The following ASAP1 variants were observed in gnomAD, a reference collection of about 807,000 sequenced individuals.
ASAP1 encodes arf-GAP with SH3 domain, ANK repeat and PH domain-containing protein 1.
In ASAP1, 43 loss-of-function variants were observed where a neutral mutation model predicts 145.2. The observed-to-expected ratio is 0.30, with a 90% CI of 0.23 to 0.38. ASAP1 has a LOEUF of 0.38. Ranked by LOEUF, ASAP1 falls within the 10% of genes least tolerant of loss-of-function variation. The pLI is 1.00. For missense variants in ASAP1, 1,018 were observed against 1,355.3 expected (o/e 0.75, Z 3.91); for synonymous variants, 546 against 515.5 (o/e 1.06, Z -0.80).
At chr8:130,389,609 C>T (rs761583350) in intron 2 of ASAP1, among the ~76,000 whole-genome samples, 2 of 152,192 alleles carry the variant, frequency 1.3e-5, no homozygotes, top group East Asian at 1.9e-4. Context: ...GATCCCCTAA[C>T]GTGTATAAAG....
chr8:130,070,455 T>C (rs1345327417), intron 27 of ASAP1, among the ~76,000 whole-genome samples: 1 of 152,108 alleles, frequency 6.6e-6, no homozygotes, highest in African/African-American at 2.4e-5. Context: ...CCAATATTAA[T>C]TGGACATGCC....
chr8:130,150,522 G>A (rs1424119577), intron 13 of ASAP1, among the ~76,000 whole-genome samples: 1 of 152,196 alleles, frequency 6.6e-6, no homozygotes, highest in Non-Finnish European at 1.5e-5. Flanking sequence ...AGTGAGGACT[G>A]TTACAGCCTC....
chr8:130,417,337 G>A (rs182386801), intron 1 of ASAP1, among the ~76,000 whole-genome samples: 5 of 152,352 alleles, frequency 3.3e-5, no homozygotes, highest in Admixed American at 2.6e-4. Context: ...TTCCCTGTGG[G>A]CCCATGGAAA....
chr8:130,216,768 A>G (rs770936684), intron 4 of ASAP1, among the ~76,000 whole-genome samples: 8 of 152,178 alleles, frequency 5.3e-5, no homozygotes, highest in African/African-American at 1.2e-4. Context: ...TCAACTACCT[A>G]TTCAGTATCT....
intron 5 of ASAP1, among the ~76,000 whole-genome samples, chr8:130,200,357 C>G (rs1185768019): frequency 6.6e-6 from 1 of 152,150 alleles, no homozygotes. Context: ...TCTTCGGAGA[C>G]TGCCAGGGGT....
At chr8:130,134,150 A>T (rs1202086087) in intron 15 of ASAP1, 146 bp downstream of exon 15, 2 of 551,326 alleles carry the variant, frequency 3.6e-6, no homozygotes, top group Middle Eastern at 2.7e-4. Flanking sequence ...AGAGAAGAGC[A>T]ACATGTGATG....
At chr8:130,078,893 A>T (rs558401038) in intron 26 of ASAP1, among the ~76,000 whole-genome samples, 1 of 152,158 alleles carries the variant, frequency 6.6e-6, no homozygotes, top group Non-Finnish European at 1.5e-5. Flanking sequence ...AGTACATAAG[A>T]TAGTGGTATT....
At chr8:130,186,954 T>A (rs1185134890) in intron 7 of ASAP1, among the ~76,000 whole-genome samples, 1 of 152,216 alleles carries the variant, frequency 6.6e-6, no homozygotes, top group African/African-American at 2.4e-5. Flanking sequence ...GTCATAGCCC[T>A]ATAACTTGAT....
At chr8:130,160,686 TG>T (rs1445001728) in intron 11 of ASAP1, 9 of 775,984 alleles carry the variant, frequency 1.2e-5, no homozygotes, top group Non-Finnish European at 1.6e-5. Flanking sequence ...ATTACGAAAA[TG>T]TAAGAAATAA....
chr8:130,354,993 C>T (rs1014909733), intron 3 of ASAP1, among the ~76,000 whole-genome samples: 9 of 152,216 alleles, frequency 5.9e-5, no homozygotes, highest in African/African-American at 9.6e-5. Flanking sequence ...TCATATGATT[C>T]TCCTGCCTCA....
At chr8:130,193,802 AC>A (rs1335940772) in intron 5 of ASAP1, among the ~76,000 whole-genome samples, 1 of 152,232 alleles carries the variant, frequency 6.6e-6, no homozygotes, top group African/African-American at 2.4e-5. Flanking sequence ...GTTGTTCCAA[AC>A]AAAAAGTGCC....
intron 2 of ASAP1, among the ~76,000 whole-genome samples, chr8:130,377,573 T>C (rs1270123630): frequency 1.3e-5 from 2 of 152,308 alleles, no homozygotes; most frequent in East Asian, 1.9e-4. Flanking sequence ...AAGGAGCCTA[T>C]GGTCAATCAG....
At chr8:130,095,493 G>GT (rs2097515628) in intron 24 of ASAP1, among the ~76,000 whole-genome samples, 1 of 151,776 alleles carries the variant, frequency 6.6e-6, no homozygotes, top group African/African-American at 2.4e-5. Flanking sequence ...TAGAGATGGG[G>GT]TTTTGCCATG....
chr8:130,071,010 G>GA (rs1212384862), intron 27 of ASAP1, among the ~76,000 whole-genome samples: 2,139 of 48,154 alleles, frequency 0.044, 471 homozygotes, highest in African/African-American at 0.062. Context: ...AGGGGAGGGG[G>GA]GGAGAGAGAG....
rs900515787 is a variant in ASAP1 at position 130,361,584 on chromosome 8, C to T, written c.60-3441G>A. 49 of 1,013,520 alleles carry T rather than the reference C, an allele frequency of 4.8e-5. 1 individual carries two copies. Among genetic ancestry groups the T allele is most frequent in the South Asian group, 1.1e-4 (8 of 73,580 alleles). The allele number at this position is 1,013,520 out of a possible 1,614,324, so 62.8% of individuals were successfully genotyped here. On this transcript the variant is annotated intron_variant, in intron 2 of 29. Transcript: ENST00000518721. Reference sequence around the variant, plus strand: ...CCTTTGGCCAAGAAAGGAATATGCTCACAATGAGATATTGTGCTTTGGTAA... The same window carrying T: ...CCTTTGGCCAAGAAAGGAATATGCTTACAATGAGATATTGTGCTTTGGTAA...
chr8:130,222,644 T>C (rs573424532), intron 4 of ASAP1, among the ~76,000 whole-genome samples: 1 of 152,166 alleles, frequency 6.6e-6, no homozygotes, highest in Non-Finnish European at 1.5e-5. Flanking sequence ...AAAAGGTGAA[T>C]AAGACAAGAC....
intron 3 of ASAP1, among the ~76,000 whole-genome samples, chr8:130,268,490 A>AACACACACACACACACAC (rs113714700): frequency 1.5e-5 from 2 of 133,124 alleles, no homozygotes; most frequent in African/African-American, 2.9e-5. Flanking sequence ...CCCGTCTTAA[A>AACACACACACACACACAC]ACACACACAC....
chr8:130,373,107 CAT>C (rs755969787), intron 2 of ASAP1, among the ~76,000 whole-genome samples: 3,494 of 40,046 alleles, frequency 0.087, 160 homozygotes, highest in South Asian at 0.23. Flanking sequence ...CACAGAAATA[CAT>C]ATACACACAC....
intron 22 of ASAP1, among the ~76,000 whole-genome samples, chr8:130,116,210 T>C (rs899490110): frequency 6.6e-6 from 1 of 152,156 alleles, no homozygotes; most frequent in Non-Finnish European, 1.5e-5. Flanking sequence ...CACACTAATG[T>C]GAAGGCCCTG....
Sources: allele counts gnomAD v4.1 joint callset (sites outside exome capture counted in the v4.1 genomes callset), GRCh38; gene constraint gnomAD v4.1.1; transcripts MANE v1.5; gene names NCBI Gene and HGNC (gene_info 2026-07-23, HGNC 2026-07-21).